The following SENP7 variants were observed in gnomAD, a reference collection of about 807,000 sequenced individuals.
The protein encoded by SENP7 is SUMO specific peptidase 7.
Under a neutral mutation model 141.2 loss-of-function variants are expected in SENP7, and 64 were observed. That is an observed-to-expected ratio of 0.45 (90% confidence interval 0.37 to 0.56). SENP7 has a LOEUF of 0.56. Ranked by LOEUF, SENP7 falls within the 20% of genes least tolerant of loss-of-function variation. The probability of loss-of-function intolerance (pLI) is 0.00; values close to 1 mark genes in which losing one functional copy is unlikely to be tolerated. For synonymous variants in SENP7, 382 were observed against 426.4 expected (o/e 0.90, Z 1.28); for missense variants, 1,025 against 1,212.2 (o/e 0.85, Z 2.29).
intron 4 of SENP7, among the ~76,000 whole-genome samples, chr3:101,432,374 G>A (rs1351539214): frequency 6.6e-6 from 1 of 152,212 alleles, no homozygotes; most frequent in Non-Finnish European, 1.5e-5. Context: ...TTGCCATCCT[G>A]AAGGGAAGAA....
chr3:101,382,726 T>C (rs2060538800), intron 6 of SENP7, among the ~76,000 whole-genome samples: 1 of 152,210 alleles, frequency 6.6e-6, no homozygotes, highest in Non-Finnish European at 1.5e-5. Context: ...TGATAGCTCA[T>C]CTAAAGCAGT....
chr3:101,473,180 T>C (rs922122843), intron 3 of SENP7, among the ~76,000 whole-genome samples: 1 of 152,228 alleles, frequency 6.6e-6, no homozygotes, highest in South Asian at 2.1e-4. Flanking sequence ...TTATAAATAC[T>C]GCTGCAATAA....
chr3:101,504,729 A>G (rs1464221972), intron 1 of SENP7, among the ~76,000 whole-genome samples: 1 of 152,246 alleles, frequency 6.6e-6, no homozygotes, highest in African/African-American at 2.4e-5. Flanking sequence ...CTTCATCTTC[A>G]GTGAAACAAC....
intron 3 of SENP7, among the ~76,000 whole-genome samples, chr3:101,479,580 G>C (rs886764195): frequency 6.6e-6 from 1 of 150,942 alleles, no homozygotes; most frequent in Non-Finnish European, 1.5e-5. Flanking sequence ...CTATACTCCA[G>C]CTTGGGTGAC....
chr3:101,440,650 A>C (rs928935832), intron 4 of SENP7, among the ~76,000 whole-genome samples: 3 of 151,974 alleles, frequency 2.0e-5, no homozygotes, highest in African/African-American at 7.2e-5. Flanking sequence ...GAAGGAGAGA[A>C]AGTTTTCCAA....
intron 3 of SENP7, among the ~76,000 whole-genome samples, chr3:101,473,726 C>G (rs543058111): frequency 1.3e-5 from 2 of 152,292 alleles, no homozygotes; most frequent in Admixed American, 1.3e-4. Flanking sequence ...TGTGCAGAAG[C>G]TCTTTAGTTT....
intron 4 of SENP7, among the ~76,000 whole-genome samples, chr3:101,436,776 A>C (rs1306469218): frequency 6.6e-6 from 1 of 152,216 alleles, no homozygotes. Context: ...AACAGGCAAT[A>C]ACAAATGCTG....
chr3:101,480,921 G>C (rs561761667), intron 3 of SENP7, among the ~76,000 whole-genome samples: 28 of 148,450 alleles, frequency 1.9e-4, no homozygotes, highest in Non-Finnish European at 1.5e-4. Flanking sequence ...ACCACAATGA[G>C]ATATCGTCTT....
At chr3:101,436,209 T>C (rs928052478) in intron 4 of SENP7, among the ~76,000 whole-genome samples, 4 of 152,140 alleles carry the variant, frequency 2.6e-5, no homozygotes, top group African/African-American at 9.7e-5. Context: ...CTGGGAAAAC[T>C]GAATATTGAT....
intron 4 of SENP7, among the ~76,000 whole-genome samples, chr3:101,450,105 G>C (rs1376492594): frequency 3.9e-5 from 6 of 152,126 alleles, no homozygotes; most frequent in South Asian, 2.1e-4. Flanking sequence ...AAGATCAAAA[G>C]AGACAAAGAA....
chr3:101,370,549 C>A (rs2107425090), intron 7 of SENP7, among the ~76,000 whole-genome samples: 1 of 152,202 alleles, frequency 6.6e-6, no homozygotes, highest in East Asian at 1.9e-4. Flanking sequence ...ATACCCAATA[C>A]AACATAAATG....
At chr3:101,491,126 CTT>C (rs199912447) in intron 3 of SENP7, among the ~76,000 whole-genome samples, 24 of 140,818 alleles carry the variant, frequency 1.7e-4, no homozygotes, top group Non-Finnish European at 1.7e-4. Flanking sequence ...TCATTTTATA[CTT>C]TTTTTTTTTT....
At chr3:101,438,754 G>A (rs1006333152) in intron 4 of SENP7, among the ~76,000 whole-genome samples, 4 of 152,310 alleles carry the variant, frequency 2.6e-5, no homozygotes, top group East Asian at 1.9e-4. Context: ...CTATAAGGGC[G>A]TGACCAGATG....
At chr3:101,483,952 A>G (rs1365674736) in intron 3 of SENP7, among the ~76,000 whole-genome samples, 1 of 152,160 alleles carries the variant, frequency 6.6e-6, no homozygotes, top group East Asian at 1.9e-4. Flanking sequence ...GCTTGAACCC[A>G]GGAGACGGCG....
intron 3 of SENP7, among the ~76,000 whole-genome samples, chr3:101,474,675 T>C (rs554134624): frequency 6.6e-6 from 1 of 152,262 alleles, no homozygotes; most frequent in Non-Finnish European, 1.5e-5. Context: ...TTTATTTCTT[T>C]CTCTTACCTG....
At chr3:101,459,402 C>T (rs535266039) in intron 3 of SENP7, among the ~76,000 whole-genome samples, 38 of 152,222 alleles carry the variant, frequency 2.5e-4, no homozygotes, top group African/African-American at 8.9e-4. Context: ...AGTAACTGTA[C>T]TTATAACAAT....
At chr3:101,377,011 C>A (rs1402390629) in intron 6 of SENP7, among the ~76,000 whole-genome samples, 1 of 151,706 alleles carries the variant, frequency 6.6e-6, no homozygotes, top group South Asian at 2.1e-4. Flanking sequence ...TATTTATTAG[C>A]CTTGTGGAAG....
In SENP7 at chr3:101,328,378, T is replaced by C. The variant is rs531235638; in HGVS notation, c.2864+100A>G. On this transcript the variant is annotated intron_variant, in intron 22 of 23. Coordinates refer to ENST00000394095, the MANE Select transcript of SENP7 (RefSeq NM_020654.5). ...AGGATTGTTGAAATAGATAATAAAA[T>C]ATAATTCCTGATATAGTCTTTTCAA... is the stretch of plus-strand genomic sequence containing the variant. The C allele has an allele frequency of 2.5e-5, 19 of 750,032 alleles. No individual in the cohort carries two copies. In the East Asian group the frequency reaches 4.5e-4, roughly 18 times the overall value. 46.5% of individuals were successfully genotyped at this position (750,032 alleles called of 1,614,324 possible).
rs754008455 is a variant in SENP7 at position 101,386,386 on chromosome 3, T to C, written c.677+12475A>G. On this transcript the variant is annotated intron_variant, in intron 6 of 23. Coordinates refer to ENST00000394095, the MANE Select transcript of SENP7 (RefSeq NM_020654.5). Reference sequence around the variant, plus strand: ...GCCCTGGCAGGACCTGAGACTAATATGGGGGCTGCCTGGAGTCCACATAAC... The same window carrying C: ...GCCCTGGCAGGACCTGAGACTAATACGGGGGCTGCCTGGAGTCCACATAAC... Among the ~76,000 whole-genome samples, 18 of 152,114 alleles carry C rather than the reference T, an allele frequency of 1.2e-4. No homozygotes were observed. In the East Asian group the frequency reaches 1.7e-3, roughly 15 times the overall value.
Sources: gnomAD v4.1 joint callset for allele counts (sites outside exome capture counted in the v4.1 genomes callset) on GRCh38, gnomAD v4.1.1 for gene constraint, MANE v1.5 for transcripts, NCBI Gene and HGNC (gene_info 2026-07-23, HGNC 2026-07-21) for gene names.